The following EVL variants were observed in gnomAD, a reference collection of about 807,000 sequenced individuals.
EVL encodes Enah/Vasp-like, also known as ena/VASP-like protein.
In EVL, 21 loss-of-function variants were observed where a neutral mutation model predicts 59.6. The ratio of observed to expected loss-of-function variants is 0.35; its 90% CI spans 0.25 to 0.51. EVL has a LOEUF of 0.51. Ranked by LOEUF, EVL falls within the 20% of genes least tolerant of loss-of-function variation. The probability of loss-of-function intolerance (pLI) is 0.97; values close to 1 mark genes in which losing one functional copy is unlikely to be tolerated. For missense variants in EVL, 462 were observed against 546.6 expected, an observed-to-expected ratio of 0.85 and a Z score of 1.54; for synonymous variants, 198 against 203.5, an observed-to-expected ratio of 0.97 and a Z score of 0.23.
intron 1 of EVL, among the ~76,000 whole-genome samples, chr14:100,017,229 C>T (rs1434323907): frequency 6.6e-6 from 1 of 152,222 alleles, no homozygotes; most frequent in Non-Finnish European, 1.5e-5. Context: ...TACCAACTGT[C>T]CTCTACCAGG....
intron 7 of EVL, among the ~76,000 whole-genome samples, chr14:100,131,492 T>C (rs1379298878): frequency 6.6e-6 from 1 of 152,242 alleles, no homozygotes; most frequent in Non-Finnish European, 1.5e-5. Context: ...GGGCATGCAG[T>C]TGAGTCTCCC....
chr14:100,101,501 G>A (rs941699845), intron 3 of EVL, among the ~76,000 whole-genome samples: 1 of 151,994 alleles, frequency 6.6e-6, no homozygotes, highest in Non-Finnish European at 1.5e-5. Context: ...AAATTAGCTG[G>A]GTGTGGTGAC....
At chr14:99,997,681 A>C in intron 1 of EVL, among the ~76,000 whole-genome samples, 1 of 152,354 alleles carries the variant, frequency 6.6e-6, no homozygotes, top group Non-Finnish European at 1.5e-5. Flanking sequence ...AGGTGAGGCA[A>C]TAAACACAGA....
chr14:100,026,328 A>G (rs2061212125), intron 1 of EVL, among the ~76,000 whole-genome samples: 5 of 147,602 alleles, frequency 3.4e-5, no homozygotes, highest in Admixed American at 2.7e-4. Flanking sequence ...AATGAAAGAA[A>G]TGAGAACAGA....
chr14:100,007,599 A>T (rs1315628830), intron 1 of EVL, among the ~76,000 whole-genome samples: 1 of 152,248 alleles, frequency 6.6e-6, no homozygotes, highest in Non-Finnish European at 1.5e-5. Context: ...TTGCTGTGAG[A>T]GTGACTGGCC....
chr14:100,092,079 TAAA>T (rs1220506700), intron 2 of EVL, among the ~76,000 whole-genome samples: 1 of 151,098 alleles, frequency 6.6e-6, no homozygotes, highest in East Asian at 2.0e-4. Flanking sequence ...TCTCTACAAA[TAAA>T]AAAGTTGTAA....
chr14:100,013,393 T>A (rs951733407), intron 1 of EVL, among the ~76,000 whole-genome samples: 5 of 152,242 alleles, frequency 3.3e-5, no homozygotes, highest in African/African-American at 1.2e-4. Flanking sequence ...GGTTAATGTG[T>A]GTAATGCACA....
chr14:100,001,953 A>G (rs1314303869), intron 1 of EVL, among the ~76,000 whole-genome samples: 1 of 152,238 alleles, frequency 6.6e-6, no homozygotes, highest in Non-Finnish European at 1.5e-5. Context: ...GCCATACATT[A>G]AGAATACTCA....
At chr14:100,006,023 C>T (rs976013838) in intron 1 of EVL, among the ~76,000 whole-genome samples, 1 of 107,992 alleles carries the variant, frequency 9.3e-6, no homozygotes, top group East Asian at 2.2e-4. Context: ...CCCCCCCCCC[C>T]ACACCGACAA....
rs78289141 is a variant in EVL at position 100,114,170 on chromosome 14, C to G, written c.359-9369C>G. ...AGCAAGGAGCGAAGCGAAGGAGGGC[C>G]GGGGGGGAATCAAATGAGCCTTACT... On this transcript the variant is annotated intron_variant, in intron 3 of 13. Transcript: ENST00000392920. This position sits in a 1 kb window ranked among gnomAD's most constrained non-coding sequence, Gnocchi z 5.0. 1.3e-5 allele frequency among the ~76,000 whole-genome samples: 2 copies of G among 151,132 alleles called. No individual in the cohort carries two copies. Among genetic ancestry groups the G allele is most frequent in the Non-Finnish European group, 2.9e-5 (2 of 67,870 alleles).
Position 100,127,403 on chromosome 14 carries a change from C to T in EVL, c.487+632C>T, listed in dbSNP as rs1433827156. 6.6e-6 allele frequency among the ~76,000 whole-genome samples: 1 copy of T among 152,176 alleles called. No homozygotes were observed. On this transcript the variant is annotated intron_variant, in intron 5 of 13. Transcript: ENST00000392920. The surrounding 1 kb of genome is among the most constrained non-coding windows in gnomAD (Gnocchi z 4.2). ...ATGAAGTGAGCAGGTGACTATTATC[C>T]TGTTGACTGATGAGAAACCCGAGCC...
chr14:100,135,062 G>C (rs1276668978), intron 8 of EVL: 2 of 152,238 alleles, frequency 1.3e-5, no homozygotes, highest in East Asian at 3.8e-4. Context: ...TGTGTGTGTT[G>C]ATTGACATAA....
intron 1 of EVL, among the ~76,000 whole-genome samples, chr14:100,079,352 C>T (rs1467224611): frequency 6.6e-6 from 1 of 152,186 alleles, no homozygotes; most frequent in Non-Finnish European, 1.5e-5. Flanking sequence ...CACTGTTTTT[C>T]CCACAGTCAG....
intron 1 of EVL, among the ~76,000 whole-genome samples, chr14:100,038,223 GA>G (rs1303947998): frequency 6.6e-6 from 1 of 152,184 alleles, no homozygotes; most frequent in Non-Finnish European, 1.5e-5. Context: ...GAATTAAGAG[GA>G]AAAGAAGGAA....
intron 3 of EVL, among the ~76,000 whole-genome samples, chr14:100,103,000 G>A (rs1017784174): frequency 3.3e-5 from 5 of 151,682 alleles, no homozygotes; most frequent in African/African-American, 1.2e-4. Flanking sequence ...TACTTGGGAG[G>A]CTGAGGCAGG....
chr14:100,043,695 C>T (rs937070117), intron 1 of EVL, among the ~76,000 whole-genome samples: 4 of 151,300 alleles, frequency 2.6e-5, no homozygotes, highest in Non-Finnish European at 4.4e-5. Context: ...ACACTGTAGC[C>T]TCATGCTCCT....
chr14:100,115,136 T>C (rs1473574981), intron 3 of EVL, among the ~76,000 whole-genome samples: 1 of 152,158 alleles, frequency 6.6e-6, no homozygotes, highest in Non-Finnish European at 1.5e-5. Flanking sequence ...TTGAGGTTCA[T>C]TTTAAGGTTA....
At chr14:100,098,387 G>A (rs1380506673) in intron 3 of EVL, among the ~76,000 whole-genome samples, 1 of 152,198 alleles carries the variant, frequency 6.6e-6, no homozygotes, top group South Asian at 2.1e-4. Context: ...GTAGTGCTGG[G>A]AAGAGGGCGA....
At chr14:100,099,853 G>A (rs67005836) in intron 3 of EVL, among the ~76,000 whole-genome samples, 56,596 of 151,486 alleles carry the variant, frequency 0.37, 13,761 homozygotes, top group African/African-American at 0.69. Flanking sequence ...GATTACAGGC[G>A]TGAGCCACTG....
Sources: gnomAD v4.1 joint callset for allele counts (sites outside exome capture counted in the v4.1 genomes callset) on GRCh38, gnomAD v4.1.1 for gene constraint, Gnocchi (gnomAD v3.1) non-coding constraint, MANE v1.5 for transcripts, NCBI Gene and HGNC (gene_info 2026-07-23, HGNC 2026-07-21) for gene names.